The following PUM1 variants were observed in gnomAD, a reference collection of about 807,000 sequenced individuals.
PUM1 encodes the protein pumilio homolog 1.
Under a neutral mutation model 131.8 loss-of-function variants are expected in PUM1, and 13 were observed. The ratio of observed to expected loss-of-function variants is 0.10; its 90% CI spans 0.06 to 0.16. The LOEUF is 0.16. Among genes scored for constraint, PUM1 ranks in the 10% least tolerant of loss-of-function variants. The pLI is 1.00. For synonymous variants in PUM1, 509 were observed against 556.5 expected (o/e 0.91, Z 1.20); for missense variants, 961 against 1,512.4 (o/e 0.64, Z 6.05).
rs2124486162 is a variant in PUM1, at chr1:30,992,550, G to A, written c.998C>T (p.Pro333Leu). Residue 333 changes from proline to leucine, a missense_variant, in exon 7 of 22, where the codon CCT becomes CTT. Transcript: ENST00000426105. ...CTCCATGTTGGAGAAATCCTCCACA[G>A]GCTTGGCACCATTGGTGCTGGTCAG... is the stretch of plus-strand genomic sequence containing the variant. Reference protein sequence around the residue: ...AQLTSTNGAKPVEDFSNMESQ... With the variant: ...AQLTSTNGAKLVEDFSNMESQ... 1 of 1,614,224 alleles carries A rather than the reference G, an allele frequency of 6.2e-7. No homozygotes were observed. The highest frequency in any genetic ancestry group is 1.6e-4 in the Middle Eastern group (1 of 6,062).
chr1:30,936,852 C>T lies in PUM1; in HGVS notation c.3243-17G>A. ...ACAACATTGCTGTAATGAGATAAAA[C>T]CAGGGACAACTCTTACAAGAGAGGC... is the stretch of plus-strand genomic sequence containing the variant. On this transcript the variant is annotated splice_polypyrimidine_tract_variant and intron_variant, in intron 20 of 21. Coordinates refer to ENST00000426105, the MANE Select transcript of PUM1 (RefSeq NM_001020658.2). 4 of 1,579,372 alleles carry T rather than the reference C, an allele frequency of 2.5e-6. No homozygotes were observed. Among genetic ancestry groups the T allele is most frequent in the Non-Finnish European group, 3.5e-6 (4 of 1,154,424 alleles).
At chr1:30,953,007 A>G (rs1440073151) in intron 15 of PUM1, among the ~76,000 whole-genome samples, 1 of 151,548 alleles carries the variant, frequency 6.6e-6, no homozygotes, top group Non-Finnish European at 1.5e-5. Context: ...ACAAAACAAA[A>G]AAACAAAAAC....
chr1:30,936,541 C>A, intron 21 of PUM1, 102 bp downstream of exon 21: 2 of 1,148,934 alleles, frequency 1.7e-6, no homozygotes, highest in Non-Finnish European at 2.5e-6. Flanking sequence ...AGGTCAGTGA[C>A]AAACTCTTCA....
chr1:31,025,631 G>A (rs1302781777), intron 3 of PUM1, among the ~76,000 whole-genome samples: 1 of 136,798 alleles, frequency 7.3e-6, no homozygotes. Context: ...TCTGGGCTCA[G>A]TACAACCTCC....
At chr1:31,062,023 A>G (rs894611840) in intron 1 of PUM1, 1 of 152,246 alleles carries the variant, frequency 6.6e-6, no homozygotes, top group Non-Finnish European at 1.5e-5. Context: ...AAAGGTAGCC[A>G]TTATTATTTC....
chr1:30,972,540 G>A (rs1281198619), intron 10 of PUM1, among the ~76,000 whole-genome samples: 5 of 148,528 alleles, frequency 3.4e-5, no homozygotes, highest in African/African-American at 5.0e-5. Context: ...TTGGGAGGCC[G>A]AGGGGGGTGG....
chr1:30,986,792 C>T (rs1641578588), intron 7 of PUM1, among the ~76,000 whole-genome samples: 1 of 152,188 alleles, frequency 6.6e-6, no homozygotes, highest in African/African-American at 2.4e-5. Context: ...TTACTATACA[C>T]ATGACACTTG....
chr1:30,988,714 T>G (rs762324051), intron 7 of PUM1, among the ~76,000 whole-genome samples: 3 of 152,216 alleles, frequency 2.0e-5, no homozygotes, highest in Non-Finnish European at 2.9e-5. Flanking sequence ...CTTGTCCTCT[T>G]GTACACTCGT....
At chr1:30,950,099 C>A in intron 17 of PUM1, 28 bp downstream of exon 17, 2 of 1,602,580 alleles carry the variant, frequency 1.2e-6, no homozygotes, top group Non-Finnish European at 1.7e-6. Flanking sequence ...CATCAAACAC[C>A]AAGAGAAAAG....
intron 20 of PUM1, 88 bp from the exon 21 acceptor site, chr1:30,936,923 G>T: frequency 1.8e-6 from 2 of 1,099,412 alleles, no homozygotes; most frequent in Non-Finnish European, 2.6e-6. Context: ...CCTGACCTCC[G>T]GACCAGCAGG....
intron 2 of PUM1, among the ~76,000 whole-genome samples, chr1:31,038,225 AAAT>A (rs1643681557): frequency 6.6e-6 from 1 of 151,944 alleles, no homozygotes; most frequent in African/African-American, 2.4e-5. Context: ...AGAGAGAGAG[AAAT>A]ATGTTCAGAG....
chr1:31,047,708 G>A (rs1644002663), intron 2 of PUM1, among the ~76,000 whole-genome samples: 4 of 152,186 alleles, frequency 2.6e-5, no homozygotes, highest in Admixed American at 2.6e-4. Flanking sequence ...TCTGGGAGGT[G>A]GAGGTGGGTG....
chr1:30,960,248 T>C (rs1640349723), intron 14 of PUM1, among the ~76,000 whole-genome samples: 1 of 152,208 alleles, frequency 6.6e-6, no homozygotes, highest in African/African-American at 2.4e-5. Flanking sequence ...CTGAGCATCC[T>C]AATATGAAAA....
intron 3 of PUM1, among the ~76,000 whole-genome samples, chr1:31,027,315 G>T (rs1643260624): frequency 6.6e-6 from 1 of 152,088 alleles, no homozygotes; most frequent in African/African-American, 2.4e-5. Flanking sequence ...ACCTGGAATT[G>T]GATTTTTGGT....
intron 7 of PUM1, among the ~76,000 whole-genome samples, chr1:30,987,137 G>A (rs1345058989): frequency 2.6e-5 from 4 of 151,340 alleles, no homozygotes; most frequent in Non-Finnish European, 5.9e-5. Flanking sequence ...ATTCTACACT[G>A]ATATAATCCT....
intron 3 of PUM1, among the ~76,000 whole-genome samples, chr1:31,020,400 C>T (rs1642979531): frequency 6.6e-6 from 1 of 152,192 alleles, no homozygotes; most frequent in Non-Finnish European, 1.5e-5. Context: ...TTTATTTTGA[C>T]TACATGGTTT....
At chr1:30,969,129 C>T (rs368349557) in intron 10 of PUM1, among the ~76,000 whole-genome samples, 51 of 151,944 alleles carry the variant, frequency 3.4e-4, no homozygotes, top group African/African-American at 1.2e-3. Flanking sequence ...CATGGCAAAA[C>T]CCCGTCTCTA....
chr1:30,991,769 G>A (rs1374343428), intron 7 of PUM1, among the ~76,000 whole-genome samples: 1 of 152,154 alleles, frequency 6.6e-6, no homozygotes, highest in Non-Finnish European at 1.5e-5. Flanking sequence ...AGTCCTACAT[G>A]TCTTCAAAAA....
At chr1:31,019,343 C>T (rs1642937400) in intron 3 of PUM1, among the ~76,000 whole-genome samples, 1 of 152,216 alleles carries the variant, frequency 6.6e-6, no homozygotes, top group Admixed American at 6.5e-5. Context: ...CAGGGCAAGA[C>T]TCTGTTTCAA....
Sources: allele counts gnomAD v4.1 joint callset (sites outside exome capture counted in the v4.1 genomes callset), GRCh38; gene constraint gnomAD v4.1.1; transcripts MANE v1.5; gene names NCBI Gene and HGNC (gene_info 2026-07-23, HGNC 2026-07-21).